The following SMYD4 variants were observed in gnomAD, a reference collection of about 807,000 sequenced individuals.
The protein encoded by SMYD4 is protein-lysine N-methyltransferase SMYD4.
SMYD4 carries 68 observed loss-of-function variants against 72.8 expected under a neutral mutation model. The ratio of observed to expected loss-of-function variants is 0.93; its 90% CI spans 0.77 to 1.14. The LOEUF (loss-of-function observed/expected upper bound fraction) is 1.14. Ranked by LOEUF, SMYD4 falls within the 50% of genes most tolerant of loss-of-function variation. SMYD4 has a pLI of 0.00. For missense variants in SMYD4, 984 were observed against 1,003.7 expected (o/e 0.98, Z 0.27); for synonymous variants, 407 against 388.6 (o/e 1.05, Z -0.56).
Position 1,781,149 on chromosome 17 carries a change from G to T in SMYD4, c.*137C>A. The T allele has an allele frequency of 9.0e-7, 1 of 1,106,226 alleles. No homozygotes were observed. The highest frequency in any genetic ancestry group is 1.3e-6 in the Non-Finnish European group (1 of 789,804). The allele number at this position is 1,106,226 out of a possible 1,614,324, so 68.5% of individuals were successfully genotyped here. On this transcript the variant is annotated 3_prime_UTR_variant, in exon 11 of 11. Coordinates refer to ENST00000305513, the MANE Select transcript of SMYD4 (RefSeq NM_052928.3). ...TTGGCCAGGCTGGTCTTGAACTCCT[G>T]ACATCAGGTGATCCGCCCACCTTAG...
intron 2 of SMYD4, among the ~76,000 whole-genome samples, chr17:1,822,924 C>T (rs538967682): frequency 5.8e-4 from 88 of 152,200 alleles, no homozygotes; most frequent in African/African-American, 2.0e-3. Flanking sequence ...AACTATAAAA[C>T]TTTACTTAAG....
At chr17:1,820,819 G>A (rs1194654300) in intron 2 of SMYD4, among the ~76,000 whole-genome samples, 1 of 152,132 alleles carries the variant, frequency 6.6e-6, no homozygotes, top group African/African-American at 2.4e-5. Context: ...AATGTCTATT[G>A]GCAAGAAAGA....
intron 2 of SMYD4, among the ~76,000 whole-genome samples, chr17:1,813,696 T>G (rs1168035868): frequency 2.6e-5 from 4 of 152,092 alleles, no homozygotes; most frequent in Non-Finnish European, 4.4e-5. Context: ...ATCACAGGTG[T>G]GAGCCACTGT....
intron 3 of SMYD4, among the ~76,000 whole-genome samples, chr17:1,811,132 C>T (rs1331238094): frequency 2.6e-5 from 4 of 152,222 alleles, no homozygotes; most frequent in Non-Finnish European, 2.9e-5. Flanking sequence ...CTGTAACACA[C>T]GCCCACTGGG....
intron 5 of SMYD4, among the ~76,000 whole-genome samples, chr17:1,789,164 G>A (rs1227850943): frequency 6.6e-6 from 1 of 152,058 alleles, no homozygotes; most frequent in African/African-American, 2.4e-5. Context: ...GAGGCGGGTG[G>A]ATCACCTGAG....
chr17:1,804,990 T>A (rs1160001370), intron 3 of SMYD4, among the ~76,000 whole-genome samples: 1 of 152,152 alleles, frequency 6.6e-6, no homozygotes, highest in African/African-American at 2.4e-5. Context: ...GCAAGCATAA[T>A]ATCCTACAAC....
At chr17:1,783,533 A>G in intron 8 of SMYD4, 57 bp from the exon 9 acceptor site, 1 of 1,549,060 alleles carries the variant, frequency 6.5e-7, no homozygotes, top group Non-Finnish European at 8.7e-7. Context: ...CCTAGGAATG[A>G]GAATCCAGGT....
Position 1,827,986 on chromosome 17 carries a change from C to A in SMYD4, c.9G>T (p.Leu3=), listed in dbSNP as rs1350447089. 1.2e-6 allele frequency: 2 copies of A among 1,609,904 alleles called. No individual in the cohort carries two copies. Among genetic ancestry groups the A allele is most frequent in the Admixed American group, 1.7e-5 (1 of 59,934 alleles). The change falls in exon 2 of 11, where the codon CTG becomes CTT. Residue 3 remains leucine, a synonymous_variant. Transcript: ENST00000305513. The part of the protein sequence containing the change: MD[L]PVDEWKSYLL... Reference sequence around the variant, plus strand: ...GATATGATTTCCATTCATCCACAGGCAGATCCATGCTGCTTTTGATCTATA... The same window carrying A: ...GATATGATTTCCATTCATCCACAGGAAGATCCATGCTGCTTTTGATCTATA...
chr17:1,808,640 A>C (rs1053618650), intron 3 of SMYD4, among the ~76,000 whole-genome samples: 1 of 152,224 alleles, frequency 6.6e-6, no homozygotes, highest in Non-Finnish European at 1.5e-5. Context: ...TACTGGCTTC[A>C]TGAAATAGGA....
rs1008791704 is a variant in SMYD4, at chr17:1,781,172, T to C, written c.*114A>G. On this transcript the variant is annotated 3_prime_UTR_variant, in exon 11 of 11. Coordinates refer to ENST00000305513, the MANE Select transcript of SMYD4 (RefSeq NM_052928.3). ...CTGACATCAGGTGATCCGCCCACCT[T>C]AGCCTCCCAAAGTGCTGGGATTACA... is the stretch of plus-strand genomic sequence containing the variant. 2.2e-6 allele frequency: 3 copies of C among 1,351,994 alleles called. No homozygotes were observed. Among genetic ancestry groups the C allele is most frequent in the Admixed American group, 5.0e-5 (2 of 39,846 alleles). The allele number at this position is 1,351,994 out of a possible 1,614,324, so 83.7% of individuals were successfully genotyped here. A position where few individuals can be genotyped will look rare whatever the true frequency, so the allele number is the denominator to read the frequency against.
intron 2 of SMYD4, among the ~76,000 whole-genome samples, chr17:1,813,538 A>G (rs1910440324): frequency 6.6e-6 from 1 of 151,960 alleles, no homozygotes; most frequent in Admixed American, 6.6e-5. Context: ...CTTGTGCCTC[A>G]GCCTCAGGAG....
At chr17:1,826,188 C>T (rs1010903195) in intron 2 of SMYD4, among the ~76,000 whole-genome samples, 4 of 151,948 alleles carry the variant, frequency 2.6e-5, no homozygotes, top group African/African-American at 7.3e-5. Flanking sequence ...GCAATACACA[C>T]GAGAAATAAA....
chr17:1,813,455 T>C (rs1309268538), intron 2 of SMYD4, among the ~76,000 whole-genome samples: 1 of 152,136 alleles, frequency 6.6e-6, no homozygotes, highest in Non-Finnish European at 1.5e-5. Flanking sequence ...TCTCACTTTG[T>C]TGCCCAGGCT....
At chr17:1,799,757 G>A (rs1847849407) in intron 5 of SMYD4, 100 bp downstream of exon 5, 1 of 1,168,490 alleles carries the variant, frequency 8.6e-7, no homozygotes, top group African/African-American at 1.5e-5. Flanking sequence ...TTAGCTCAAT[G>A]ATTTGTTTGA....
chr17:1,782,214 C>T (rs1908401879), intron 10 of SMYD4: 1 of 152,144 alleles, frequency 6.6e-6, no homozygotes, highest in African/African-American at 2.4e-5. Flanking sequence ...AGCAAAAAAG[C>T]AGGGTTTCTC....
Position 1,787,473 on chromosome 17 carries a change from T to C in SMYD4, c.1669A>G (p.Ile557Val). Reference sequence around the variant, plus strand: ...TTTCTAATCCGCTGTGACGCCCGGATGGTGGCGACAGTGCTAATGAAGGAC... The same window carrying C: ...TTTCTAATCCGCTGTGACGCCCGGACGGTGGCGACAGTGCTAATGAAGGAC... Reference protein sequence around the residue: ...SVSFISTVATIRASQRIRKGQ... With the variant: ...SVSFISTVATVRASQRIRKGQ... Residue 557 changes from isoleucine (I) to valine (V), a missense_variant, in exon 6 of 11, where the codon ATC (isoleucine) becomes GTC (valine). Physicochemically the swap from Ile to Val is conservative, Grantham distance 29. Coordinates refer to ENST00000305513, the MANE Select transcript of SMYD4 (RefSeq NM_052928.3). The C allele has an allele frequency of 6.4e-7, 1 of 1,568,180 alleles. No individual in the cohort carries two copies. The highest frequency in any genetic ancestry group is 1.9e-5 in the Admixed American group (1 of 52,506).
At chr17:1,783,611 C>A (rs939524971) in intron 8 of SMYD4, 135 bp from the exon 9 acceptor site, 2 of 1,411,144 alleles carry the variant, frequency 1.4e-6, no homozygotes, top group Non-Finnish European at 9.4e-7. Context: ...TTGTCACCAA[C>A]GCACAATGTC....
At position 1,829,783 on chromosome 17, in the gene SMYD4, G is replaced by A. The variant is rs1430900694; in HGVS notation, c.-70C>T. On this transcript the variant is annotated 5_prime_UTR_variant, in exon 1 of 11. Coordinates refer to ENST00000305513, the MANE Select transcript of SMYD4 (RefSeq NM_052928.3). ...CCTCGAGAACCGCTCAGACGCGCCC[G>A]GAACTGCGCCCTGGTCTCCCTCCCA... The A allele has an allele frequency of 8.8e-6, 2 of 228,222 alleles. No homozygotes were observed. Among genetic ancestry groups the A allele is most frequent in the African/African-American group, 2.3e-5 (1 of 43,612 alleles). The allele number at this position is 228,222 out of a possible 1,614,324, so 14.1% of individuals were successfully genotyped here.
intron 2 of SMYD4, among the ~76,000 whole-genome samples, chr17:1,826,184 C>T (rs892460991): frequency 4.6e-5 from 7 of 152,136 alleles, no homozygotes; most frequent in Admixed American, 6.5e-5. Context: ...ATAGGCAATA[C>T]ACACGAGAAA....
Sources: allele counts gnomAD v4.1 joint callset (sites outside exome capture counted in the v4.1 genomes callset), GRCh38; gene constraint gnomAD v4.1.1; transcripts MANE v1.5; gene names NCBI Gene and HGNC (gene_info 2026-07-23, HGNC 2026-07-21).